The following SPON1 variants were observed in gnomAD, a reference collection of about 807,000 sequenced individuals.
The protein encoded by SPON1 is spondin-1.
A neutral mutation model predicts 111.7 loss-of-function variants in SPON1; 52 were observed. That is an observed-to-expected ratio of 0.47 (90% CI 0.37 to 0.59). The LOEUF (loss-of-function observed/expected upper bound fraction) is 0.59. Among genes scored for constraint, SPON1 ranks in the 20% least tolerant of loss-of-function variants. The pLI is 0.00. For synonymous variants in SPON1, 410 were observed against 395.8 expected, an observed-to-expected ratio of 1.04 and a Z score of -0.43; for missense variants, 957 against 1,068.5, an observed-to-expected ratio of 0.90 and a Z score of 1.46.
At position 14,079,951 on chromosome 11, in the gene SPON1, C is replaced by T. The variant is rs782016066; in HGVS notation, c.606C>T (p.Cys202=). The change falls in exon 5 of 16, where the codon TGC becomes TGT. Residue 202 remains cysteine, a synonymous_variant. Transcript: ENST00000576479. The part of the protein sequence containing the change: ...TDKPILDCCA[C]GTAKYRLTFY... ...AACCCATCTTAGACTGCTGTGCCTGCGGAACTGCCAAGTACAGACTCACAT... is the reference window on the plus strand; with the variant it reads ...AACCCATCTTAGACTGCTGTGCCTGTGGAACTGCCAAGTACAGACTCACAT... 1.4e-5 allele frequency: 23 copies of T among 1,613,778 alleles called. No individual in the cohort carries two copies. Among genetic ancestry groups the T allele is most frequent in the South Asian group, 7.7e-5 (7 of 91,078 alleles).
intron 3 of SPON1, among the ~76,000 whole-genome samples, chr11:14,058,246 C>T (rs1848762477): frequency 6.6e-6 from 1 of 152,016 alleles, no homozygotes; most frequent in South Asian, 2.1e-4. Flanking sequence ...GTGATCCTTC[C>T]TGTAGTGTGT....
At chr11:14,260,099 A>G (rs920554667) in intron 13 of SPON1, among the ~76,000 whole-genome samples, 13 of 152,202 alleles carry the variant, frequency 8.5e-5, no homozygotes, top group Non-Finnish European at 1.8e-4. Flanking sequence ...CTGATCCCAT[A>G]AAGCATGACC....
Position 14,161,253 on chromosome 11 carries a change from T to TTATATATTTATATATATC in SPON1, c.825+25700_825+25701insATCTATATATTTATATAT. ...TTTATATATTTATATATCTATATATTTATATATTTATATATCTGTATATCT... is the reference window on the plus strand; with the variant it reads ...TTTATATATTTATATATCTATATATTTATATATTTATATATATCTATATATTTATATATCTGTATATCT... On this transcript the variant is annotated intron_variant, in intron 6 of 15. Coordinates refer to ENST00000576479, the MANE Select transcript of SPON1 (RefSeq NM_006108.4). 6.5e-5 allele frequency among the ~76,000 whole-genome samples: 2 copies of TTATATATTTATATATATC among 30,818 alleles called. 1 individual carries two copies. The highest frequency in any genetic ancestry group is 1.5e-4 in the Non-Finnish European group (2 of 13,288). The allele number at this position is 30,818 out of a possible 152,430, so 20.2% of individuals were successfully genotyped here. A position where few individuals can be genotyped will look rare whatever the true frequency, so the allele number is the denominator to read the frequency against.
intron 3 of SPON1, among the ~76,000 whole-genome samples, chr11:14,044,140 G>A (rs1848651610): frequency 6.6e-6 from 1 of 152,132 alleles, no homozygotes; most frequent in African/African-American, 2.4e-5. Flanking sequence ...TAAAGTCCAT[G>A]TTCTGCCTTT....
At chr11:14,014,455 G>A (rs897612988) in intron 2 of SPON1, among the ~76,000 whole-genome samples, 3 of 152,104 alleles carry the variant, frequency 2.0e-5, no homozygotes, top group African/African-American at 7.2e-5. Flanking sequence ...CCTCTTATAC[G>A]CAATGGCATC....
At chr11:14,159,795 C>T (rs1847889367) in intron 6 of SPON1, among the ~76,000 whole-genome samples, 1 of 151,404 alleles carries the variant, frequency 6.6e-6, no homozygotes, top group African/African-American at 2.4e-5. Context: ...GAAAGACAAA[C>T]ATCACATGTT....
At chr11:14,102,245 C>T (rs1185379167) in intron 5 of SPON1, among the ~76,000 whole-genome samples, 5 of 151,986 alleles carry the variant, frequency 3.3e-5, no homozygotes, top group African/African-American at 1.2e-4. Flanking sequence ...ATAATGTAAA[C>T]CACAAATATG....
At chr11:14,092,148 A>C (rs1201288929) in intron 5 of SPON1, among the ~76,000 whole-genome samples, 1 of 152,182 alleles carries the variant, frequency 6.6e-6, no homozygotes, top group African/African-American at 2.4e-5. Context: ...ATACCCTCCA[A>C]GGACATTCTT....
At chr11:14,261,018 A>T (rs1849165231) in intron 14 of SPON1, among the ~76,000 whole-genome samples, 1 of 152,120 alleles carries the variant, frequency 6.6e-6, no homozygotes, top group East Asian at 1.9e-4. Flanking sequence ...AAACAGCACA[A>T]AGCTCAATAA....
intron 2 of SPON1, among the ~76,000 whole-genome samples, chr11:14,001,436 A>G (rs1848318124): frequency 6.6e-6 from 1 of 152,200 alleles, no homozygotes; most frequent in Non-Finnish European, 1.5e-5. Flanking sequence ...TCTGCCCTCA[A>G]GGAAACTACT....
At chr11:14,263,123 C>T (rs1398050787) in intron 15 of SPON1, 148 bp downstream of exon 15, 1 of 809,332 alleles carries the variant, frequency 1.2e-6, no homozygotes, top group Non-Finnish European at 1.9e-6. Context: ...CATTTTGATT[C>T]TTTAGATCCA....
chr11:14,007,050 C>G (rs1405068203), intron 2 of SPON1, among the ~76,000 whole-genome samples: 3 of 152,176 alleles, frequency 2.0e-5, no homozygotes, highest in African/African-American at 7.2e-5. Flanking sequence ...GACTAGTTTC[C>G]TGGAGAACAG....
chr11:14,034,908 T>A (rs1180831054), intron 2 of SPON1, among the ~76,000 whole-genome samples: 2 of 152,200 alleles, frequency 1.3e-5, no homozygotes, highest in Non-Finnish European at 2.9e-5. Context: ...TTTTAAAGAT[T>A]TAGGATTAAA....
In SPON1 at chr11:14,260,581, G is replaced by A. The variant is rs782311443; in HGVS notation, c.1832-7G>A. On this transcript the variant is annotated splice_region_variant and splice_polypyrimidine_tract_variant and intron_variant, in intron 13 of 15. Coordinates refer to ENST00000576479, the MANE Select transcript of SPON1 (RefSeq NM_006108.4). ...GTTCTCAGTGGCAAACCTGGTTCTT[G>A]ATCTAGACACCATCCCATGCTTGCT... is the stretch of plus-strand genomic sequence containing the variant. The A allele has an allele frequency of 2.5e-6, 4 of 1,611,892 alleles. No individual in the cohort carries two copies. The African/African-American group carries it at 5.3e-5, about 22-fold the overall frequency.
intron 6 of SPON1, among the ~76,000 whole-genome samples, chr11:14,210,027 T>C (rs1554936536): frequency 1.3e-5 from 2 of 152,278 alleles, no homozygotes; most frequent in Non-Finnish European, 2.9e-5. Flanking sequence ...ATGGGCTTTT[T>C]TTCGTATGTT....
At chr11:14,016,227 A>G (rs1222151647) in intron 2 of SPON1, among the ~76,000 whole-genome samples, 3 of 152,242 alleles carry the variant, frequency 2.0e-5, no homozygotes, top group Non-Finnish European at 4.4e-5. Flanking sequence ...GGGAGCATGT[A>G]CTAAGTGCTA....
chr11:14,219,309 A>G (rs1554937389), intron 6 of SPON1, among the ~76,000 whole-genome samples: 1 of 152,194 alleles, frequency 6.6e-6, no homozygotes, highest in East Asian at 1.9e-4. Context: ...GAAAACTTTG[A>G]CAATTAAATT....
chr11:13,964,242 C>G (rs1847998262), intron 1 of SPON1, among the ~76,000 whole-genome samples: 2 of 152,258 alleles, frequency 1.3e-5, no homozygotes, highest in South Asian at 2.1e-4. Flanking sequence ...TAGCTCCCGC[C>G]AGGGAGCGTG....
intron 2 of SPON1, among the ~76,000 whole-genome samples, chr11:14,027,139 G>A (rs75721255): frequency 2.1e-4 from 32 of 152,248 alleles, no homozygotes; most frequent in Admixed American, 3.3e-4. Context: ...AGGCACTGGC[G>A]TTGTAAGAAA....
Sources: allele counts gnomAD v4.1 joint callset (sites outside exome capture counted in the v4.1 genomes callset), GRCh38; gene constraint gnomAD v4.1.1; transcripts MANE v1.5; gene names NCBI Gene and HGNC (gene_info 2026-07-23, HGNC 2026-07-21).